The following LRP1 variants were observed in gnomAD, a reference collection of about 807,000 sequenced individuals.
LRP1 encodes LDL receptor related protein 1, also known as prolow-density lipoprotein receptor-related protein 1.
LRP1 carries 51 observed loss-of-function variants against 541.5 expected under a neutral mutation model. The ratio of observed to expected loss-of-function variants is 0.09; its 90% CI spans 0.08 to 0.12. The LOEUF (loss-of-function observed/expected upper bound fraction) is 0.12. Among genes scored for constraint, LRP1 ranks in the 10% least tolerant of loss-of-function variants. The pLI is 1.00. For missense variants in LRP1, 3,878 were observed against 6,376.2 expected (o/e 0.61, Z 13.34); for synonymous variants, 2,219 against 2,470.8 (o/e 0.90, Z 3.02).
intron 62 of LRP1, 126 bp downstream of exon 62, chr12:57,200,151 C>T (rs957792898): frequency 2.5e-6 from 2 of 788,348 alleles, no homozygotes; most frequent in Non-Finnish European, 4.0e-6. Flanking sequence ...AACACCCCCA[C>T]ATTTCTTGCC....
rs768459167 is a variant in LRP1 at position 57,212,078 on chromosome 12, C to G, written c.13350-39C>G. On this transcript the variant is annotated intron_variant, in intron 87 of 88. Coordinates refer to ENST00000243077, the MANE Select transcript of LRP1 (RefSeq NM_002332.3). The surrounding 1 kb of genome is among the most constrained non-coding windows in gnomAD (Gnocchi z 5.0). ...ATTTTGCCATCCTAGCCTTCCCCCC[C>G]AATAATCTCTGTCTCCTTATACTCC... The G allele has an allele frequency of 1.9e-6, 3 of 1,613,194 alleles. No individual in the cohort carries two copies. Among genetic ancestry groups the G allele is most frequent in the Non-Finnish European group, 2.5e-6 (3 of 1,179,368 alleles).
Position 57,162,414 on chromosome 12 carries a change from G to A in LRP1, c.2300G>A (p.Arg767His). The A allele has an allele frequency of 1.2e-6, 2 of 1,614,126 alleles. No individual in the cohort carries two copies. The highest frequency in any genetic ancestry group is 2.2e-5 in the East Asian group (1 of 44,884). The change falls in exon 14 of 89, where the codon CGC becomes CAC. Residue 767 changes from arginine to histidine, a missense_variant. Around this residue, in one of 13 missense-constraint regions of LRP1, gnomAD observed 496 missense variants for 861.0 expected, o/e 0.58. Transcript: ENST00000243077. This position sits in a 1 kb window ranked among gnomAD's most constrained non-coding sequence, Gnocchi z 5.2. ...GAGTATCGGAGTGGCAGTGTCTACC[G>A]CTTGGAACGGGGTGTAGGAGGCGCA... is the stretch of plus-strand genomic sequence containing the variant. ...WTEYRSGSVYRLERGVGGAPP... is the reference protein window; with the variant it reads ...WTEYRSGSVYHLERGVGGAPP...
chr12:57,193,490 A>G, intron 46 of LRP1, 76 bp from the exon 47 acceptor site: 1 of 1,567,328 alleles, frequency 6.4e-7, no homozygotes, highest in Non-Finnish European at 8.7e-7. Context: ...CCAGCTGGAC[A>G]CGTGCATGAC....
Position 57,203,037 on chromosome 12 carries a change from G to T in LRP1, c.10712-144G>T, listed in dbSNP as rs2136744380. 4 of 642,740 alleles carry T rather than the reference G, an allele frequency of 6.2e-6. No homozygotes were observed. In the East Asian group the frequency reaches 8.3e-5, roughly 13 times the overall value. 39.8% of individuals were successfully genotyped at this position (642,740 alleles called of 1,614,324 possible). ...TCCATAGGAGCAGCCAGTGGGCTCT[G>T]CCAGGACTGGCTCGGCCTCTGGGTC... On this transcript the variant is annotated intron_variant, in intron 68 of 88. Coordinates refer to ENST00000243077, the MANE Select transcript of LRP1 (RefSeq NM_002332.3).
At chr12:57,163,592 AT>A (rs2035781436) in intron 15 of LRP1, among the ~76,000 whole-genome samples, 1 of 151,884 alleles carries the variant, frequency 6.6e-6, no homozygotes, top group African/African-American at 2.4e-5. Flanking sequence ...AAAAAAAAAA[AT>A]TAACATTAAA....
Position 57,156,380 on chromosome 12 carries a change from A to T in LRP1, c.1417+97A>T. 1 of 1,262,578 alleles carries T rather than the reference A, an allele frequency of 7.9e-7. No individual in the cohort carries two copies. The highest frequency in any genetic ancestry group is 1.5e-5 in the African/African-American group (1 of 66,604). 78.2% of individuals were successfully genotyped at this position (1,262,578 alleles called of 1,614,324 possible). On this transcript the variant is annotated intron_variant, in intron 9 of 88. Transcript: ENST00000243077. The surrounding 1 kb of genome is among the most constrained non-coding windows in gnomAD (Gnocchi z 5.2). ...CCCCTCTCTGGGCCCTCCTGTGGGG[A>T]CCCTGGCTTCTTTCATGTCATGACC...
In LRP1 at chr12:57,187,388, G is replaced by T; in HGVS notation, c.6963G>T (p.Glu2321Asp). The change falls in exon 42 of 89, where the codon GAG becomes GAT. Residue 2321 changes from glutamate to aspartate, a missense_variant. By Grantham distance (45) the Glu-to-Asp change is conservative. Coordinates refer to ENST00000243077, the MANE Select transcript of LRP1 (RefSeq NM_002332.3). ...ACCAGACCCGCCCAGGGGCCTTCGAGCGTGAGACCGTCATCACTATGTCTG... is the reference window on the plus strand; with the variant it reads ...ACCAGACCCGCCCAGGGGCCTTCGATCGTGAGACCGTCATCACTATGTCTG... ...TVDQTRPGAFERETVITMSGD... is the reference protein window; with the variant it reads ...TVDQTRPGAFDRETVITMSGD... 1 of 1,614,182 alleles carries T rather than the reference G, an allele frequency of 6.2e-7. No individual in the cohort carries two copies. Among genetic ancestry groups the T allele is most frequent in the South Asian group, 1.1e-5 (1 of 91,084 alleles).
At position 57,204,707 on chromosome 12, in the gene LRP1, G is replaced by A. The variant is rs1394813713; in HGVS notation, c.11152G>A (p.Gly3718Ser). 3.7e-6 allele frequency: 6 copies of A among 1,613,958 alleles called. No individual in the cohort carries two copies. The highest frequency in any genetic ancestry group is 5.1e-6 in the Non-Finnish European group (6 of 1,180,026). ...TCTGTGGATCGGGCGCCAATGCGATGGCACGGACAACTGTGGGGATGGGAC... is the reference window on the plus strand; with the variant it reads ...TCTGTGGATCGGGCGCCAATGCGATAGCACGGACAACTGTGGGGATGGGAC... ...VCLWIGRQCDGTDNCGDGTDE... is the reference protein window; with the variant it reads ...VCLWIGRQCDSTDNCGDGTDE... The change falls in exon 72 of 89, where the codon GGC becomes AGC. Residue 3718 changes from glycine (G) to serine (S), a missense_variant. Gly to Ser is a moderately conservative substitution (Grantham distance 56, BLOSUM62 0). This residue lies in a region of LRP1 where 871 missense variants were observed against 1,212.4 expected (regional missense o/e 0.72). Coordinates refer to ENST00000243077, the MANE Select transcript of LRP1 (RefSeq NM_002332.3). This position sits in a 1 kb window ranked among gnomAD's most constrained non-coding sequence, Gnocchi z 5.3.
intron 41 of LRP1, 135 bp from the exon 42 acceptor site, chr12:57,187,132 G>A: frequency 1.2e-6 from 1 of 821,210 alleles, no homozygotes; most frequent in Non-Finnish European, 1.9e-6. Flanking sequence ...CCTCTCTGCT[G>A]CACCTCTTGC....
rs576302494 is a variant in LRP1 at position 57,197,978 on chromosome 12, G to C, written c.9283-178G>C. On this transcript the variant is annotated intron_variant, in intron 58 of 88. Coordinates refer to ENST00000243077, the MANE Select transcript of LRP1 (RefSeq NM_002332.3). This position sits in a 1 kb window ranked among gnomAD's most constrained non-coding sequence, Gnocchi z 4.5. ...TAGAGCCCCCTCTCCTAGAGCCTCT[G>C]CTGACACCTACACAGTGTCAGGCCC... Among the ~76,000 whole-genome samples the C allele has an allele frequency of 6.6e-6, 1 of 152,172 alleles. No homozygotes were observed. Among genetic ancestry groups the C allele is most frequent in the Non-Finnish European group, 1.5e-5 (1 of 68,026 alleles).
rs574575499 is a variant in LRP1 at position 57,142,907 on chromosome 12, G to A, written c.329-772G>A. 1.2e-3 allele frequency among the ~76,000 whole-genome samples: 180 copies of A among 152,154 alleles called. 4 individuals are homozygous for A. In the South Asian group the frequency reaches 0.027, roughly 23 times the overall value. On this transcript the variant is annotated intron_variant, in intron 3 of 88. Transcript: ENST00000243077. ...CTCTAAACGTCTTAGCATCTTGGGC[G>A]GCTCTCTCTCCTAGGTGGGGGTGGA...
intron 19 of LRP1, among the ~76,000 whole-genome samples, chr12:57,168,676 C>T (rs756696551): frequency 6.6e-6 from 1 of 152,138 alleles, no homozygotes; most frequent in African/African-American, 2.4e-5. Context: ...CAGCCACAGG[C>T]AGGGCCCCTG....
chr12:57,182,849 G>T (rs964571573), intron 34 of LRP1, among the ~76,000 whole-genome samples: 3 of 152,224 alleles, frequency 2.0e-5, no homozygotes, highest in African/African-American at 2.4e-5. Context: ...CAAAAGAAAA[G>T]AAAAGAAAAA....
chr12:57,209,815 G>C lies in LRP1; in HGVS notation c.12386G>C (p.Gly4129Ala), dbSNP rs756891319. The stretch of plus-strand genomic sequence containing the variant: ...AGCCCCTTGGTCAACCTGACAGGGG[G>C]CCTGAGCCACGCCTCTGACGTGGTC... ...GHSPLVNLTG[G>A]LSHASDVVLY... Residue 4129 changes from glycine to alanine, a missense_variant, in exon 80 of 89, where the codon GGC becomes GCC. This residue lies in a region of LRP1 where 871 missense variants were observed against 1,212.4 expected (regional missense o/e 0.72). Transcript: ENST00000243077. The C allele has an allele frequency of 2.5e-6, 4 of 1,614,100 alleles. No homozygotes were observed. The highest frequency in any genetic ancestry group is 2.7e-5 in the African/African-American group (2 of 74,938).
Position 57,201,180 on chromosome 12 carries a change from G to A in LRP1, c.10345+27G>A, listed in dbSNP as rs200318678. ...TGAGTGTCAGAGGTGGTGGTGGGCC[G>A]GTGGTGGGAGATGACACGGAAGCAG... On this transcript the variant is annotated intron_variant, in intron 65 of 88. Transcript: ENST00000243077. This position sits in a 1 kb window ranked among gnomAD's most constrained non-coding sequence, Gnocchi z 6.4. 3.0e-5 allele frequency: 49 copies of A among 1,612,250 alleles called. No individual in the cohort carries two copies. Among genetic ancestry groups the A allele is most frequent in the South Asian group, 1.2e-4 (11 of 90,978 alleles).
Position 57,202,542 on chromosome 12 carries a change from G to GGGGGGGGGCCCCC in LRP1, c.10711+5_10711+6insGGGGGGGGCCCCC. ...ACTCCGATGAAGAGAGCTGCAGTAC[G>GGGGGGGGGCCCCC]TCCCCACCCACCCAGCCCCGCATGA... On this transcript the variant is annotated splice_donor_region_variant and intron_variant, in intron 68 of 88. Coordinates refer to ENST00000243077, the MANE Select transcript of LRP1 (RefSeq NM_002332.3). The GGGGGGGGGCCCCC allele has an allele frequency of 6.4e-7, 1 of 1,563,844 alleles. No individual in the cohort carries two copies. Among genetic ancestry groups the GGGGGGGGGCCCCC allele is most frequent in the Non-Finnish European group, 8.7e-7 (1 of 1,153,426 alleles).
chr12:57,196,574 A>G (rs549580969), intron 55 of LRP1, among the ~76,000 whole-genome samples: 1 of 152,130 alleles, frequency 6.6e-6, no homozygotes, highest in African/African-American at 2.4e-5. Context: ...GGGAGTTATC[A>G]CCATAGAGAT....
In LRP1 at chr12:57,195,411, G is replaced by C. The variant is rs752863522; in HGVS notation, c.8437+12G>C. ...CGCAGCTGGTTGCTGTGAGTGGCGG[G>C]GCCACGTGGAGCGGGTGGACAGCAA... On this transcript the variant is annotated intron_variant, in intron 52 of 88. Coordinates refer to ENST00000243077, the MANE Select transcript of LRP1 (RefSeq NM_002332.3). The C allele has an allele frequency of 9.4e-6, 15 of 1,602,428 alleles. No homozygotes were observed. The South Asian group carries it at 1.6e-4, about 18-fold the overall frequency.
At position 57,177,044 on chromosome 12, in the gene LRP1, T is replaced by A. The variant is rs544821808; in HGVS notation, c.3995T>A (p.Leu1332Gln). ...YRGKLLDNGA[L>Q]TSFEVVIQYG... ...TTCACTGCCCTCTCTTCTCCAGCCC[T>A]GACTAGTTTCGAGGTGGTGATTCAG... The change falls in exon 25 of 89, where the codon CTG becomes CAG. Residue 1332 changes from leucine to glutamine, a missense_variant. Transcript: ENST00000243077. This position sits in a 1 kb window ranked among gnomAD's most constrained non-coding sequence, Gnocchi z 6.8. 1 of 1,613,818 alleles carries A rather than the reference T, an allele frequency of 6.2e-7. No individual in the cohort carries two copies. Among genetic ancestry groups the A allele is most frequent in the African/African-American group, 1.3e-5 (1 of 75,046 alleles).
Sources: gnomAD v4.1 joint callset for allele counts (sites outside exome capture counted in the v4.1 genomes callset) on GRCh38, gnomAD v4.1.1 for gene constraint, gnomAD v4.1.1 regional missense constraint, Gnocchi (gnomAD v3.1) non-coding constraint, MANE v1.5 for transcripts, NCBI Gene and HGNC (gene_info 2026-07-23, HGNC 2026-07-21) for gene names.